The following DCK variants were observed in gnomAD, a reference collection of about 807,000 sequenced individuals.
DCK encodes deoxyadenosine kinase.
A neutral mutation model predicts 38.3 loss-of-function variants in DCK; 23 were observed. The observed-to-expected ratio is 0.60, with a 90% confidence interval of 0.43 to 0.85. The LOEUF (loss-of-function observed/expected upper bound fraction) is 0.85. DCK is among the 40% of genes least tolerant of loss of function. The pLI is 0.00. For synonymous variants in DCK, 108 were observed against 100.6 expected (o/e 1.07, Z -0.44); for missense variants, 259 against 304.4 (o/e 0.85, Z 1.11).
chr4:71,004,187 T>G (rs1739879679), intron 2 of DCK, among the ~76,000 whole-genome samples: 1 of 152,242 alleles, frequency 6.6e-6, no homozygotes, highest in East Asian at 1.9e-4. Context: ...GCTTTTTGTT[T>G]GTTAGTTTCC....
intron 1 of DCK, among the ~76,000 whole-genome samples, chr4:70,997,393 T>C (rs66547610): frequency 0.08 from 12,123 of 152,238 alleles, 1,315 homozygotes; most frequent in African/African-American, 0.25. Flanking sequence ...TGTTATCCAG[T>C]TTATCGTTAA....
intron 4 of DCK, 35 bp from the exon 5 acceptor site, chr4:71,025,781 G>C (rs1157931512): frequency 9.6e-6 from 15 of 1,563,618 alleles, no homozygotes; most frequent in African/African-American, 1.4e-5. Flanking sequence ...ATTGTTCCCT[G>C]CCTTTTTCTT....
chr4:71,001,397 T>G (rs1739797737), intron 2 of DCK, among the ~76,000 whole-genome samples: 1 of 152,172 alleles, frequency 6.6e-6, no homozygotes, highest in African/African-American at 2.4e-5. Context: ...GCCAGTATTT[T>G]ATTGAGGATT....
At chr4:71,004,897 C>T (rs944303733) in intron 2 of DCK, among the ~76,000 whole-genome samples, 4 of 152,020 alleles carry the variant, frequency 2.6e-5, no homozygotes, top group African/African-American at 4.8e-5. Context: ...TGCTGGGCTC[C>T]GTGGGGGTGG....
At chr4:71,014,092 A>G (rs1740183484) in intron 2 of DCK, among the ~76,000 whole-genome samples, 1 of 152,214 alleles carries the variant, frequency 6.6e-6, no homozygotes, top group Non-Finnish European at 1.5e-5. Flanking sequence ...GCAAATGGAA[A>G]ACAAAAAAAA....
In DCK at chr4:71,018,974, A is replaced by G. The variant is rs1179753807; in HGVS notation, c.208-3393A>G. Among the ~76,000 whole-genome samples the G allele has an allele frequency of 2.0e-5, 3 of 152,100 alleles. No individual in the cohort carries two copies. The East Asian group carries it at 5.8e-4, about 29-fold the overall frequency. On this transcript the variant is annotated intron_variant, in intron 2 of 6. Coordinates refer to ENST00000286648, the MANE Select transcript of DCK (RefSeq NM_000788.3). ...GGCCTGAGCTGCCTCACCTGGCTGG[A>G]TAAATTTTTAATATTCTTAACATTT...
chr4:71,016,901 A>G (rs1740281800), intron 2 of DCK, among the ~76,000 whole-genome samples: 1 of 152,272 alleles, frequency 6.6e-6, no homozygotes, highest in Non-Finnish European at 1.5e-5. Flanking sequence ...AAACACCAAA[A>G]GCAATGGCAA....
At chr4:71,001,363 T>C (rs1242755843) in intron 2 of DCK, among the ~76,000 whole-genome samples, 5 of 152,192 alleles carry the variant, frequency 3.3e-5, no homozygotes, top group Admixed American at 3.3e-4. Context: ...GATGAGCTTT[T>C]TAATGTGCTA....
intron 2 of DCK, among the ~76,000 whole-genome samples, chr4:71,006,677 C>T (rs1360939862): frequency 1.3e-5 from 2 of 151,900 alleles, no homozygotes; most frequent in African/African-American, 4.8e-5. Context: ...GTGTGGTAGC[C>T]TGCACTTGGG....
In DCK at chr4:71,023,826, C is replaced by A. The variant is rs1740486898; in HGVS notation, c.549+120C>A. On this transcript the variant is annotated intron_variant, in intron 4 of 6. Coordinates refer to ENST00000286648, the MANE Select transcript of DCK (RefSeq NM_000788.3). ...CAGCCTCCCAACCTCCCACTCCCCA[C>A]CTCTAAATTAGAAACTTGTAACTGT... 7.6e-6 allele frequency: 6 copies of A among 790,814 alleles called. No homozygotes were observed. The East Asian group carries it at 1.8e-4, about 24-fold the overall frequency. 49.0% of individuals were successfully genotyped at this position (790,814 alleles called of 1,614,324 possible). A position where few individuals can be genotyped will look rare whatever the true frequency, so the allele number is the denominator to read the frequency against.
intron 2 of DCK, among the ~76,000 whole-genome samples, chr4:71,006,032 G>T (rs533715167): frequency 6.7e-6 from 1 of 148,930 alleles, no homozygotes; most frequent in Non-Finnish European, 1.5e-5. Flanking sequence ...AGGCTGAGGC[G>T]GGAGAATTGC....
At chr4:71,011,272 T>C (rs1229385961) in intron 2 of DCK, among the ~76,000 whole-genome samples, 1 of 146,626 alleles carries the variant, frequency 6.8e-6, no homozygotes, top group Non-Finnish European at 1.5e-5. Flanking sequence ...GGAGTCTTGC[T>C]CTGTCCCTTA....
chr4:71,026,514 A>C, intron 5 of DCK, 151 bp from the exon 6 acceptor site: 1 of 605,376 alleles, frequency 1.7e-6, no homozygotes, highest in Non-Finnish European at 2.9e-6. Flanking sequence ...ATGAGAAAGA[A>C]GGGGCTGCCA....
rs1352285530 is a variant in DCK, at chr4:71,030,004, A to G, written c.*626A>G. 1.3e-5 allele frequency: 2 copies of G among 152,518 alleles called. No homozygotes were observed. Among genetic ancestry groups the G allele is most frequent in the Non-Finnish European group, 2.9e-5 (2 of 68,018 alleles). The allele number at this position is 152,518 out of a possible 1,614,324, so 9.4% of individuals were successfully genotyped here. ...TATAAAGTTAAAGTCACACATTTCT[A>G]TTTTGCAAACACTGTGATTACTCTT... On this transcript the variant is annotated 3_prime_UTR_variant, in exon 7 of 7. Transcript: ENST00000286648.
intron 2 of DCK, among the ~76,000 whole-genome samples, chr4:70,999,679 A>T (rs1267993753): frequency 6.6e-6 from 1 of 152,168 alleles, no homozygotes; most frequent in African/African-American, 2.4e-5. Flanking sequence ...CCTCTCCAGC[A>T]TCTGTTGTTT....
At chr4:71,005,554 T>C (rs1282659425) in intron 2 of DCK, among the ~76,000 whole-genome samples, 1 of 151,352 alleles carries the variant, frequency 6.6e-6, no homozygotes, top group Non-Finnish European at 1.5e-5. Flanking sequence ...TTGCCCAGGC[T>C]GGAGTGCAAT....
At chr4:71,017,441 A>C (rs966929481) in intron 2 of DCK, among the ~76,000 whole-genome samples, 2 of 152,186 alleles carry the variant, frequency 1.3e-5, no homozygotes, top group African/African-American at 4.8e-5. Flanking sequence ...ATATACCCAA[A>C]GGATTATAAA....
chr4:71,026,319 T>C (rs936869), intron 5 of DCK, among the ~76,000 whole-genome samples: 122,848 of 152,084 alleles, frequency 0.81, 54,255 homozygotes, highest in Non-Finnish European at 0.97. Context: ...GTCTTACTGG[T>C]GTGTGACCTT....
intron 2 of DCK, among the ~76,000 whole-genome samples, chr4:71,001,272 A>T (rs989253297): frequency 2.0e-5 from 3 of 152,114 alleles, no homozygotes; most frequent in Non-Finnish European, 4.4e-5. Flanking sequence ...GGTTCTGTTT[A>T]TGTGATAGAT....
Sources: allele counts gnomAD v4.1 joint callset (sites outside exome capture counted in the v4.1 genomes callset), GRCh38; gene constraint gnomAD v4.1.1; transcripts MANE v1.5; gene names NCBI Gene and HGNC (gene_info 2026-07-23, HGNC 2026-07-21).